DSCAM: variants seen among roughly 807,000 people sequenced by gnomAD.
DSCAM encodes the protein DS cell adhesion molecule.
In DSCAM, 47 loss-of-function variants were observed where a neutral mutation model predicts 217.7. That is an observed-to-expected ratio of 0.22 (90% confidence interval 0.17 to 0.28). The LOEUF (loss-of-function observed/expected upper bound fraction) is 0.28. Among genes scored for constraint, DSCAM ranks in the 10% least tolerant of loss-of-function variants. DSCAM has a pLI of 1.00. For synonymous variants in DSCAM, 1,056 were observed against 1,015.3 expected, an observed-to-expected ratio of 1.04 and a Z score of -0.76; for missense variants, 2,080 against 2,618.3, an observed-to-expected ratio of 0.79 and a Z score of 4.49.
At chr21:40,145,348 T>C (rs2090341960) in intron 16 of DSCAM, among the ~76,000 whole-genome samples, 1 of 152,148 alleles carries the variant, frequency 6.6e-6, no homozygotes, top group South Asian at 2.1e-4. Flanking sequence ...AAAACTGGCA[T>C]GGGAAGGTGA....
At chr21:40,240,813 A>G (rs2146941429) in intron 11 of DSCAM, among the ~76,000 whole-genome samples, 1 of 152,306 alleles carries the variant, frequency 6.6e-6, no homozygotes, top group East Asian at 1.9e-4. Flanking sequence ...AGGTATTTGT[A>G]GCTTCCCCAC....
chr21:40,071,364 G>C (rs1183718938), intron 27 of DSCAM, among the ~76,000 whole-genome samples: 1 of 152,202 alleles, frequency 6.6e-6, no homozygotes, highest in African/African-American at 2.4e-5. Flanking sequence ...CTCAGGAAGA[G>C]AGAATATAGG....
chr21:40,681,813 C>T (rs2090403945), intron 3 of DSCAM, among the ~76,000 whole-genome samples: 1 of 152,098 alleles, frequency 6.6e-6, no homozygotes, highest in Non-Finnish European at 1.5e-5. Flanking sequence ...ACACACAGGG[C>T]AAAAGTCACA....
At chr21:40,738,251 G>T (rs559531303) in intron 1 of DSCAM, among the ~76,000 whole-genome samples, 11 of 152,340 alleles carry the variant, frequency 7.2e-5, no homozygotes, top group Non-Finnish European at 1.2e-4. Context: ...AAATTAAAAT[G>T]CACAACAGGT....
intron 14 of DSCAM, among the ~76,000 whole-genome samples, chr21:40,181,435 G>A (rs73904718): frequency 0.034 from 5,129 of 152,130 alleles, 293 homozygotes; most frequent in African/African-American, 0.12. Flanking sequence ...TGGTCATTCC[G>A]ATGTATAGTT....
chr21:40,625,324 T>C, intron 3 of DSCAM, among the ~76,000 whole-genome samples: 1 of 152,174 alleles, frequency 6.6e-6, no homozygotes, highest in South Asian at 2.1e-4. Context: ...CAAAGATGCA[T>C]TATAATGTAT....
At chr21:40,096,663 G>T (rs919702113) in intron 20 of DSCAM, among the ~76,000 whole-genome samples, 1 of 151,830 alleles carries the variant, frequency 6.6e-6, no homozygotes, top group African/African-American at 2.4e-5. Context: ...ACTGTAGCCC[G>T]CAGAGCCAAG....
chr21:40,833,550 G>A (rs1387056189), intron 1 of DSCAM, among the ~76,000 whole-genome samples: 1 of 152,182 alleles, frequency 6.6e-6, no homozygotes, highest in Non-Finnish European at 1.5e-5. Flanking sequence ...AGGGAGAAAT[G>A]GCTGGAGGAA....
intron 3 of DSCAM, among the ~76,000 whole-genome samples, chr21:40,521,002 C>T (rs951036647): frequency 6.6e-6 from 1 of 152,122 alleles, no homozygotes; most frequent in Non-Finnish European, 1.5e-5. Flanking sequence ...AAAATACTTT[C>T]ATAGATTCTA....
At chr21:40,846,462 T>A (rs1479554206) in intron 1 of DSCAM, among the ~76,000 whole-genome samples, 157 bp downstream of exon 1, 1 of 151,666 alleles carries the variant, frequency 6.6e-6, no homozygotes, top group Non-Finnish European at 1.5e-5. Context: ...AAAATAAATA[T>A]GATATTTAAA....
intron 3 of DSCAM, among the ~76,000 whole-genome samples, chr21:40,616,974 G>T (rs571307953): frequency 8.0e-6 from 1 of 125,752 alleles, no homozygotes; most frequent in Non-Finnish European, 1.6e-5. Flanking sequence ...CCGAGATCCC[G>T]CCACTGCACT....
chr21:40,618,474 G>C (rs538278287), intron 3 of DSCAM: 1 of 152,170 alleles, frequency 6.6e-6, no homozygotes, highest in African/African-American at 2.4e-5. Flanking sequence ...GATGGCCTGG[G>C]AGGCGGAGTT....
chr21:40,290,683 A>C (rs1360697337), intron 10 of DSCAM, among the ~76,000 whole-genome samples: 4 of 152,220 alleles, frequency 2.6e-5, no homozygotes, highest in Non-Finnish European at 4.4e-5. Flanking sequence ...CACAGAACCA[A>C]AAAGATTAAG....
chr21:40,457,982 T>G (rs929225794), intron 3 of DSCAM, among the ~76,000 whole-genome samples: 4 of 152,112 alleles, frequency 2.6e-5, no homozygotes, highest in Non-Finnish European at 4.4e-5. Context: ...GTAAGAGGTA[T>G]GAATATGTGC....
At chr21:40,723,212 C>T (rs1168876632) in intron 1 of DSCAM, among the ~76,000 whole-genome samples, 1 of 151,716 alleles carries the variant, frequency 6.6e-6, no homozygotes, top group Non-Finnish European at 1.5e-5. Context: ...AATCCAATGT[C>T]ATCTCACAGC....
At chr21:40,622,500 T>C (rs1208252347) in intron 3 of DSCAM, among the ~76,000 whole-genome samples, 2 of 152,216 alleles carry the variant, frequency 1.3e-5, no homozygotes, top group Non-Finnish European at 2.9e-5. Context: ...TCCATTTGCA[T>C]ATTCATTTCA....
chr21:40,569,492 T>C (rs2076790019), intron 3 of DSCAM, among the ~76,000 whole-genome samples: 1 of 152,228 alleles, frequency 6.6e-6, no homozygotes, highest in African/African-American at 2.4e-5. Context: ...AAATTGCTCC[T>C]GTGAACTGCG....
At chr21:40,082,058 G>C (rs2089470310) in intron 24 of DSCAM, among the ~76,000 whole-genome samples, 1 of 152,102 alleles carries the variant, frequency 6.6e-6, no homozygotes, top group African/African-American at 2.4e-5. Context: ...CCTTTGGTAG[G>C]CCATTTCAAC....
intron 20 of DSCAM, among the ~76,000 whole-genome samples, chr21:40,102,772 T>C (rs1299764427): frequency 6.6e-6 from 1 of 152,256 alleles, no homozygotes; most frequent in African/African-American, 2.4e-5. Flanking sequence ...ACTTAGCTTG[T>C]AGCTGCACTT....
Sources: allele counts gnomAD v4.1 joint callset (sites outside exome capture counted in the v4.1 genomes callset), GRCh38; gene constraint gnomAD v4.1.1; transcripts MANE v1.5; gene names NCBI Gene and HGNC (gene_info 2026-07-23, HGNC 2026-07-21).